Variants in MTHFD2L observed in about 807,000 individuals in gnomAD.
The protein encoded by MTHFD2L is methylenetetrahydrofolate dehydrogenase (NADP+ dependent) 2 like, also known as bifunctional methylenetetrahydrofolate dehydrogenase/cyclohydrolase 2, mitochondrial.
In MTHFD2L, 29 loss-of-function variants were observed where a neutral mutation model predicts 34.9. The ratio of observed to expected loss-of-function variants is 0.83; its 90% CI spans 0.62 to 1.13. MTHFD2L has a LOEUF of 1.13. Ranked by LOEUF, MTHFD2L falls within the 50% of genes most tolerant of loss-of-function variation. The pLI, the probability that MTHFD2L is intolerant of heterozygous loss-of-function variation, is 0.00. For missense variants in MTHFD2L, 481 were observed against 446.5 expected (o/e 1.08, Z -0.70); for synonymous variants, 167 against 155.7 (o/e 1.07, Z -0.54).
intron 3 of MTHFD2L, among the ~76,000 whole-genome samples, chr4:74,186,771 A>G (rs115289014): frequency 0.011 from 1,626 of 152,218 alleles, 23 homozygotes; most frequent in African/African-American, 0.037. Context: ...ACTGATTTGT[A>G]GGTTCAAGGT....
At chr4:74,134,361 TC>T (rs1460704913) in intron 1 of MTHFD2L, among the ~76,000 whole-genome samples, 2 of 152,144 alleles carry the variant, frequency 1.3e-5, no homozygotes, top group African/African-American at 4.8e-5. Flanking sequence ...GCTAGGGTAA[TC>T]CCTTTGGTCC....
chr4:74,301,652 A>C (rs1750341923), intron 7 of MTHFD2L, 45 bp from the exon 8 acceptor site: 1 of 1,159,556 alleles, frequency 8.6e-7, no homozygotes, highest in Non-Finnish European at 1.2e-6. Context: ...AAAATCTCAG[A>C]TATTTTAAAA....
chr4:74,130,369 C>T (rs1413977159), intron 1 of MTHFD2L, among the ~76,000 whole-genome samples: 1 of 152,134 alleles, frequency 6.6e-6, no homozygotes, highest in African/African-American at 2.4e-5. Context: ...TCCAGCAGCA[C>T]ATGAAAAAGC....
In MTHFD2L at chr4:74,246,117, C is replaced by T. The variant is rs1560526480; in HGVS notation, c.805+20723C>T. ...CAACAGTGTAAAAGTGTTCCTATTT[C>T]TCCACATCCTCTCCAGCACCTGTTG... On this transcript the variant is annotated intron_variant, in intron 6 of 7. Transcript: ENST00000325278. Among the ~76,000 whole-genome samples the T allele has an allele frequency of 1.1e-4, 16 of 141,630 alleles. No individual in the cohort carries two copies. The South Asian group carries it at 3.4e-3, about 30-fold the overall frequency. 92.9% of individuals were successfully genotyped at this position (141,630 alleles called of 152,430 possible). A position where few individuals can be genotyped will look rare whatever the true frequency, so the allele number is the denominator to read the frequency against.
intron 3 of MTHFD2L, among the ~76,000 whole-genome samples, chr4:74,176,626 T>G (rs541950962): frequency 2.3e-4 from 35 of 152,074 alleles, no homozygotes; most frequent in Non-Finnish European, 4.9e-4. Flanking sequence ...CTGATCATCA[T>G]CTCATCTGTT....
chr4:74,245,444 G>A (rs980111145), intron 6 of MTHFD2L, among the ~76,000 whole-genome samples: 2 of 151,488 alleles, frequency 1.3e-5, no homozygotes, highest in South Asian at 4.2e-4. Flanking sequence ...GTAATTATAT[G>A]TTAATATCAT....
At chr4:74,183,957 A>G (rs1730669103) in intron 3 of MTHFD2L, 1 of 152,170 alleles carries the variant, frequency 6.6e-6, no homozygotes, top group Non-Finnish European at 1.5e-5. Flanking sequence ...ATGGTGGAAT[A>G]TTATCGTTTG....
intron 1 of MTHFD2L, among the ~76,000 whole-genome samples, chr4:74,167,654 G>C (rs1481974343): frequency 6.6e-6 from 1 of 152,206 alleles, no homozygotes; most frequent in Non-Finnish European, 1.5e-5. Context: ...GGTTGGAGAG[G>C]TGAGAAAGGG....
chr4:74,187,395 T>A (rs1219507421), intron 3 of MTHFD2L, among the ~76,000 whole-genome samples: 1 of 152,120 alleles, frequency 6.6e-6, no homozygotes, highest in Non-Finnish European at 1.5e-5. Context: ...GAAATAATCA[T>A]TGCTGAAACT....
At chr4:74,212,635 A>G (rs1338030435) in intron 5 of MTHFD2L, among the ~76,000 whole-genome samples, 2 of 152,166 alleles carry the variant, frequency 1.3e-5, no homozygotes, top group African/African-American at 4.8e-5. Flanking sequence ...ATTTTAGAAT[A>G]AGTGTGATGT....
chr4:74,165,419 G>A (rs1008711659), intron 1 of MTHFD2L, among the ~76,000 whole-genome samples: 13 of 152,252 alleles, frequency 8.5e-5, no homozygotes, highest in Middle Eastern at 3.4e-3. Context: ...GTGCAATGGT[G>A]TGATCTTGGC....
At chr4:74,299,236 A>C (rs986671516) in intron 7 of MTHFD2L, among the ~76,000 whole-genome samples, 3 of 151,886 alleles carry the variant, frequency 2.0e-5, no homozygotes, top group African/African-American at 7.2e-5. Context: ...TTCAATTTGC[A>C]CTTGATTTTT....
At chr4:74,224,461 C>T (rs942958024) in intron 5 of MTHFD2L, among the ~76,000 whole-genome samples, 12 of 152,072 alleles carry the variant, frequency 7.9e-5, no homozygotes, top group African/African-American at 2.9e-4. Flanking sequence ...GATCATGTAA[C>T]TTTTGTTGTT....
At chr4:74,118,862 T>G (rs1560396919), upstream of MTHFD2L, among the ~76,000 whole-genome samples, 1 of 152,230 alleles carries the variant, frequency 6.6e-6, no homozygotes, top group Non-Finnish European at 1.5e-5. Context: ...TGGCATTAGA[T>G]TCTCATAGGA....
chr4:74,163,994 G>A (rs1726061419), intron 1 of MTHFD2L, among the ~76,000 whole-genome samples: 1 of 152,260 alleles, frequency 6.6e-6, no homozygotes, highest in African/African-American at 2.4e-5. Flanking sequence ...TCCTGCCTCA[G>A]TCTCCCAAGT....
At chr4:74,131,156 C>T (rs1722465005) in intron 1 of MTHFD2L, among the ~76,000 whole-genome samples, 1 of 152,222 alleles carries the variant, frequency 6.6e-6, no homozygotes, top group Admixed American at 6.5e-5. Flanking sequence ...AAAGGCCATA[C>T]TGCCCAAAGT....
chr4:74,120,291 C>T (rs899437367), upstream of MTHFD2L, among the ~76,000 whole-genome samples: 3 of 152,082 alleles, frequency 2.0e-5, no homozygotes, highest in South Asian at 4.1e-4. Context: ...AATGAGCCAC[C>T]GCAGTACATG....
intron 6 of MTHFD2L, among the ~76,000 whole-genome samples, chr4:74,231,775 A>T (rs1301885022): frequency 6.6e-6 from 1 of 152,162 alleles, no homozygotes; most frequent in Non-Finnish European, 1.5e-5. Flanking sequence ...TTTCATAGCG[A>T]TGTCTACTTT....
intron 6 of MTHFD2L, among the ~76,000 whole-genome samples, chr4:74,244,107 A>G (rs1276899830): frequency 6.6e-6 from 1 of 152,192 alleles, no homozygotes; most frequent in Non-Finnish European, 1.5e-5. Flanking sequence ...TGTTACATTC[A>G]TGACCACAAT....
Sources: allele counts gnomAD v4.1 joint callset (sites outside exome capture counted in the v4.1 genomes callset), GRCh38; gene constraint gnomAD v4.1.1; transcripts MANE v1.5; gene names NCBI Gene and HGNC (gene_info 2026-07-23, HGNC 2026-07-21).